Variants in SCFD1 observed in about 807,000 individuals in gnomAD.
SCFD1 encodes the protein sec1 family domain-containing protein 1.
SCFD1 carries 37 observed loss-of-function variants against 103.2 expected under a neutral mutation model. The ratio of observed to expected loss-of-function variants is 0.36; its 90% CI spans 0.28 to 0.47. SCFD1 has a LOEUF of 0.47. Among genes scored for constraint, SCFD1 ranks in the 20% least tolerant of loss-of-function variants. The probability of loss-of-function intolerance (pLI) is 1.00; values close to 1 mark genes in which losing one functional copy is unlikely to be tolerated. For missense variants in SCFD1, 639 were observed against 761.2 expected (o/e 0.84, Z 1.89); for synonymous variants, 264 against 245.0 (o/e 1.08, Z -0.73).
At chr14:30,702,672 A>G (rs1313151927) in intron 17 of SCFD1, among the ~76,000 whole-genome samples, 1 of 152,204 alleles carries the variant, frequency 6.6e-6, no homozygotes, top group Non-Finnish European at 1.5e-5. Context: ...GGAAATTTTA[A>G]TTTGACTAGT....
At chr14:30,709,848 C>G (rs1891742173) in intron 19 of SCFD1, among the ~76,000 whole-genome samples, 2 of 152,212 alleles carry the variant, frequency 1.3e-5, no homozygotes, top group Non-Finnish European at 2.9e-5. Flanking sequence ...GCTAGATAGA[C>G]TGGCTATTAC....
intron 10 of SCFD1, among the ~76,000 whole-genome samples, chr14:30,654,791 T>C (rs1360922870): frequency 6.6e-6 from 1 of 152,206 alleles, no homozygotes; most frequent in Non-Finnish European, 1.5e-5. Context: ...GAATTACTGA[T>C]GGAAATTGGC....
intron 7 of SCFD1, among the ~76,000 whole-genome samples, chr14:30,647,928 G>A (rs527341895): frequency 6.6e-6 from 1 of 152,340 alleles, no homozygotes; most frequent in African/African-American, 2.4e-5. Flanking sequence ...TGGGATTACA[G>A]GCATGAGCCA....
intron 3 of SCFD1, among the ~76,000 whole-genome samples, chr14:30,633,440 A>C (rs1463269102): frequency 6.6e-6 from 1 of 152,210 alleles, no homozygotes; most frequent in African/African-American, 2.4e-5. Flanking sequence ...TTAAGGAAAC[A>C]TTTATATACC....
chr14:30,658,683 G>A (rs1004985131), intron 10 of SCFD1, among the ~76,000 whole-genome samples: 4 of 152,122 alleles, frequency 2.6e-5, no homozygotes, highest in Admixed American at 2.0e-4. Flanking sequence ...GTGAGCTAAC[G>A]CACCTAGCTA....
At chr14:30,633,089 A>G (rs1884345183) in intron 3 of SCFD1, among the ~76,000 whole-genome samples, 3 of 152,202 alleles carry the variant, frequency 2.0e-5, no homozygotes, top group Non-Finnish European at 2.9e-5. Context: ...TTTCCACAGT[A>G]TGAAATGGTG....
At chr14:30,632,610 C>G (rs990980204) in intron 3 of SCFD1, among the ~76,000 whole-genome samples, 2 of 152,034 alleles carry the variant, frequency 1.3e-5, no homozygotes, top group Non-Finnish European at 2.9e-5. Flanking sequence ...TTCATGCTAT[C>G]CTTGGAAATT....
intron 1 of SCFD1, among the ~76,000 whole-genome samples, chr14:30,624,825 T>C (rs766650581): frequency 1.6e-4 from 24 of 152,148 alleles, no homozygotes; most frequent in Non-Finnish European, 3.1e-4. Flanking sequence ...CTATTTCTCT[T>C]CCCTCTCCTT....
chr14:30,632,202 TATC>T (rs1884243052), intron 3 of SCFD1, among the ~76,000 whole-genome samples: 1 of 152,268 alleles, frequency 6.6e-6, no homozygotes, highest in Non-Finnish European at 1.5e-5. Context: ...ATTTTTATGA[TATC>T]ATATATTGAA....
intron 23 of SCFD1, among the ~76,000 whole-genome samples, chr14:30,731,208 A>G (rs1332082029): frequency 1.3e-5 from 2 of 152,090 alleles, no homozygotes; most frequent in Admixed American, 6.5e-5. Flanking sequence ...CCACTGGTCT[A>G]TATCTCTGTT....
intron 10 of SCFD1, among the ~76,000 whole-genome samples, chr14:30,661,039 A>C (rs753781526): frequency 1.3e-5 from 2 of 152,152 alleles, no homozygotes; most frequent in African/African-American, 2.4e-5. Context: ...TTCTACTGGG[A>C]TACTTTTGCT....
At chr14:30,670,656 A>G (rs990070531) in intron 11 of SCFD1, among the ~76,000 whole-genome samples, 3 of 151,800 alleles carry the variant, frequency 2.0e-5, no homozygotes, top group African/African-American at 7.3e-5. Flanking sequence ...GTCTTTTTCA[A>G]TTTTGTTGCT....
Position 30,673,956 on chromosome 14 carries a change from T to A in SCFD1, c.1119T>A (p.Ser373Arg), listed in dbSNP as rs201841736. 21 of 1,613,684 alleles carry A rather than the reference T, an allele frequency of 1.3e-5. No homozygotes were observed. The highest frequency in any genetic ancestry group is 5.3e-5 in the African/African-American group (4 of 74,906). ...GLEGEDEGAI[S>R]MLSDNTAKLT... The stretch of plus-strand genomic sequence containing the variant: ...AAGGGGAAGATGAAGGAGCCATAAG[T>A]ATGCTTTCTGACAATACCGCTAAGC... The change falls in exon 13 of 25, where the codon AGT (serine) becomes AGA (arginine). Residue 373 changes from serine to arginine, a missense_variant. Transcript: ENST00000458591.
chr14:30,728,856 T>C (rs372503771), intron 23 of SCFD1, among the ~76,000 whole-genome samples: 1,931 of 138,040 alleles, frequency 0.014, 42 homozygotes, highest in African/African-American at 0.045. Context: ...TTTTTTTTTT[T>C]CCCCCCGAGA....
At chr14:30,729,259 T>C (rs764687135) in intron 23 of SCFD1, among the ~76,000 whole-genome samples, 3 of 152,192 alleles carry the variant, frequency 2.0e-5, no homozygotes, top group Non-Finnish European at 4.4e-5. Context: ...CGAAGTCCAG[T>C]GTATCTCTTT....
chr14:30,663,049 A>G (rs1287282133), intron 10 of SCFD1, among the ~76,000 whole-genome samples: 3 of 152,218 alleles, frequency 2.0e-5, no homozygotes, highest in Middle Eastern at 3.2e-3. Flanking sequence ...TAATTTCCTA[A>G]CTTGGAAGAT....
chr14:30,670,778 T>C (rs1888464217), intron 11 of SCFD1, among the ~76,000 whole-genome samples: 1 of 152,090 alleles, frequency 6.6e-6, no homozygotes, highest in Non-Finnish European at 1.5e-5. Flanking sequence ...AAACCTTGTT[T>C]TAGATACTTG....
In SCFD1 at chr14:30,625,113, T is replaced by C. The variant is rs150053194; in HGVS notation, c.61+2714T>C. The stretch of plus-strand genomic sequence containing the variant: ...TTATTTTATTTTTTTTATCCCCCAA[T>C]TAGAATGAAAGCTACTTGAGGACAG... On this transcript the variant is annotated intron_variant, in intron 1 of 24. Coordinates refer to ENST00000458591, the MANE Select transcript of SCFD1 (RefSeq NM_016106.4). 3.3e-3 allele frequency among the ~76,000 whole-genome samples: 510 copies of C among 152,272 alleles called. 3 individuals carry two copies. Among genetic ancestry groups the C allele is most frequent in the African/African-American group, 0.012 (489 of 41,548 alleles).
At chr14:30,697,158 TATAA>T (rs1890761139) in intron 15 of SCFD1, among the ~76,000 whole-genome samples, 1 of 152,282 alleles carries the variant, frequency 6.6e-6, no homozygotes, top group East Asian at 1.9e-4. Context: ...GATGCTGCCT[TATAA>T]ATACAGTTTC....
Sources: gnomAD v4.1 joint callset for allele counts (sites outside exome capture counted in the v4.1 genomes callset) on GRCh38, gnomAD v4.1.1 for gene constraint, MANE v1.5 for transcripts, NCBI Gene and HGNC (gene_info 2026-07-23, HGNC 2026-07-21) for gene names.